Variants in RBMS3 observed in about 807,000 individuals in gnomAD.
The protein encoded by RBMS3 is RNA binding motif single stranded interacting protein 3.
RBMS3 carries 27 observed loss-of-function variants against 66.8 expected under a neutral mutation model. That is an observed-to-expected ratio of 0.40 (90% CI 0.30 to 0.56). The LOEUF (loss-of-function observed/expected upper bound fraction) is 0.56, where lower values mean the gene tolerates loss of function less well. RBMS3 is among the 20% of genes least tolerant of loss of function. The probability of loss-of-function intolerance (pLI) is 0.40; values close to 1 mark genes in which losing one functional copy is unlikely to be tolerated. For synonymous variants in RBMS3, 188 were observed against 183.0 expected, an observed-to-expected ratio of 1.03 and a Z score of -0.22; for missense variants, 513 against 549.5, an observed-to-expected ratio of 0.93 and a Z score of 0.66.
chr3:29,464,587 T>G (rs2042475713), intron 2 of RBMS3, among the ~76,000 whole-genome samples: 1 of 152,158 alleles, frequency 6.6e-6, no homozygotes, highest in Non-Finnish European at 1.5e-5. Flanking sequence ...TTTAAAAAAT[T>G]TCTGTGGCAT....
chr3:29,816,460 C>T (rs1053661571), intron 6 of RBMS3, among the ~76,000 whole-genome samples: 1 of 152,044 alleles, frequency 6.6e-6, no homozygotes, highest in African/African-American at 2.4e-5. Context: ...TGTTGGTGAA[C>T]ATTTCAGCAA....
intron 6 of RBMS3, among the ~76,000 whole-genome samples, chr3:29,801,370 C>G (rs777646152): frequency 6.6e-6 from 1 of 150,892 alleles, no homozygotes; most frequent in African/African-American, 2.4e-5. Context: ...TGGGCTCAAG[C>G]GATTCTCCTG....
intron 2 of RBMS3, among the ~76,000 whole-genome samples, chr3:29,474,459 C>G (rs187738378): frequency 6.6e-6 from 1 of 152,160 alleles, no homozygotes; most frequent in African/African-American, 2.4e-5. Context: ...ATAATTTTAT[C>G]TGATGTGGAT....
intron 4 of RBMS3, among the ~76,000 whole-genome samples, chr3:29,708,599 G>A (rs1365311950): frequency 6.6e-6 from 1 of 152,096 alleles, no homozygotes; most frequent in Non-Finnish European, 1.5e-5. Context: ...TCCCACCCAA[G>A]ATGCTAGGAG....
intron 4 of RBMS3, among the ~76,000 whole-genome samples, chr3:29,623,919 T>C (rs777334201): frequency 1.4e-4 from 22 of 152,188 alleles, no homozygotes; most frequent in Non-Finnish European, 2.6e-4. Flanking sequence ...GTCTGGCAAA[T>C]TAATTTTGTG....
At chr3:29,472,716 G>T (rs2042779149) in intron 2 of RBMS3, among the ~76,000 whole-genome samples, 2 of 150,102 alleles carry the variant, frequency 1.3e-5, no homozygotes, top group South Asian at 4.3e-4. Flanking sequence ...TCGTGGTCTC[G>T]CTGGCTTCAG....
chr3:29,372,853 T>C (rs1193243711), intron 1 of RBMS3, among the ~76,000 whole-genome samples: 2 of 150,556 alleles, frequency 1.3e-5, no homozygotes, highest in Non-Finnish European at 3.0e-5. Flanking sequence ...ACCTGCCTAA[T>C]AGCATTATTG....
At position 29,646,253 on chromosome 3, in the gene RBMS3, G is replaced by A. The variant is rs534477459; in HGVS notation, c.399+59048G>A. Among the ~76,000 whole-genome samples the A allele has an allele frequency of 5.9e-5, 9 of 152,300 alleles. No homozygotes were observed. In the South Asian group the frequency reaches 1.9e-3, roughly 32 times the overall value. On this transcript the variant is annotated intron_variant, in intron 4 of 14. Transcript: ENST00000383767. The stretch of plus-strand genomic sequence containing the variant: ...TAGAAAATTGCTGATATTGCATAAA[G>A]TTCTGGTGGACACTGCCTTAAATGT...
chr3:29,475,988 T>C (rs959141234), intron 2 of RBMS3, among the ~76,000 whole-genome samples: 1 of 152,144 alleles, frequency 6.6e-6, no homozygotes, highest in Non-Finnish European at 1.5e-5. Flanking sequence ...CCCTCCTAAA[T>C]GGCACAAACA....
chr3:29,384,788 C>T (rs1474725685), intron 1 of RBMS3, among the ~76,000 whole-genome samples: 5 of 152,302 alleles, frequency 3.3e-5, no homozygotes, highest in African/African-American at 9.6e-5. Flanking sequence ...CATAAAGCAT[C>T]CTCACTCCCT....
chr3:29,583,417 TA>T (rs1326568349), intron 3 of RBMS3, among the ~76,000 whole-genome samples: 2 of 152,198 alleles, frequency 1.3e-5, no homozygotes, highest in Non-Finnish European at 2.9e-5. Context: ...ACAGTATTAA[TA>T]GACACTTTTA....
At chr3:29,669,056 G>T (rs954517262) in intron 4 of RBMS3, among the ~76,000 whole-genome samples, 2 of 152,174 alleles carry the variant, frequency 1.3e-5, no homozygotes, top group Admixed American at 6.5e-5. Flanking sequence ...CTGGAAAATT[G>T]CCCTGGGCTG....
At chr3:29,934,020 A>G (rs1302592184) in intron 10 of RBMS3, 1 of 151,870 alleles carries the variant, frequency 6.6e-6, no homozygotes, top group Non-Finnish European at 1.5e-5. Context: ...TATTGCCTTT[A>G]AAAAAAACAC....
intron 3 of RBMS3, among the ~76,000 whole-genome samples, chr3:29,555,951 G>A (rs555294208): frequency 1.8e-4 from 27 of 152,150 alleles, no homozygotes; most frequent in African/African-American, 3.1e-4. Flanking sequence ...CGGCTAAATC[G>A]AATGCTTGAT....
At chr3:29,433,359 G>T (rs2041279918) in intron 1 of RBMS3, among the ~76,000 whole-genome samples, 1 of 152,134 alleles carries the variant, frequency 6.6e-6, no homozygotes, top group African/African-American at 2.4e-5. Flanking sequence ...CTGGAATCTT[G>T]ATGAATGTGC....
rs189490702 is a variant in RBMS3, at chr3:29,712,990, A to G, written c.400-26730A>G. On this transcript the variant is annotated intron_variant, in intron 4 of 14. Transcript: ENST00000383767. The stretch of plus-strand genomic sequence containing the variant: ...TTTTCAGAGATAGAAAGAGAGAGAT[A>G]TCTCTTATTGGTTCTGGTTCTCAGG... Among the ~76,000 whole-genome samples, 47 of 152,272 alleles carry G rather than the reference A, an allele frequency of 3.1e-4. No homozygotes were observed. The East Asian group carries it at 8.1e-3, about 26-fold the overall frequency.
At chr3:29,796,055 A>G (rs1213938815) in intron 6 of RBMS3, among the ~76,000 whole-genome samples, 2 of 152,220 alleles carry the variant, frequency 1.3e-5, no homozygotes, top group African/African-American at 4.8e-5. Flanking sequence ...GTTCCAGACT[A>G]CTGCAATAAA....
intron 10 of RBMS3, among the ~76,000 whole-genome samples, chr3:29,909,117 C>T (rs1288048360): frequency 1.3e-5 from 2 of 151,970 alleles, no homozygotes; most frequent in African/African-American, 4.8e-5. Flanking sequence ...AGCAAATAGC[C>T]TGCCTTAAGT....
intron 1 of RBMS3, among the ~76,000 whole-genome samples, chr3:29,332,955 C>T (rs1402174129): frequency 6.6e-6 from 1 of 152,066 alleles, no homozygotes; most frequent in Non-Finnish European, 1.5e-5. Flanking sequence ...TGTAGACTAG[C>T]ATATGATTTT....
Sources: allele counts gnomAD v4.1 joint callset (sites outside exome capture counted in the v4.1 genomes callset), GRCh38; gene constraint gnomAD v4.1.1; transcripts MANE v1.5; gene names NCBI Gene and HGNC (gene_info 2026-07-23, HGNC 2026-07-21).